Variants in METTL16 observed in about 807,000 individuals in gnomAD.
METTL16 encodes RNA N(6)-adenosine-methyltransferase METTL16.
A neutral mutation model predicts 57.9 loss-of-function variants in METTL16; 19 were observed. The observed-to-expected ratio is 0.33, with a 90% CI of 0.23 to 0.48. The LOEUF is 0.48. Ranked by LOEUF, METTL16 falls within the 20% of genes least tolerant of loss-of-function variation. METTL16 has a pLI of 0.99. For synonymous variants in METTL16, 246 were observed against 255.6 expected (o/e 0.96, Z 0.36); for missense variants, 434 against 691.5 (o/e 0.63, Z 4.18).
chr17:2,465,334 G>A (rs538464082), intron 5 of METTL16, among the ~76,000 whole-genome samples: 181 of 151,392 alleles, frequency 1.2e-3, no homozygotes, highest in Non-Finnish European at 2.3e-3. Flanking sequence ...ACGAGGTCAG[G>A]AGATTGAGAC....
intron 4 of METTL16, 149 bp downstream of exon 4, chr17:2,473,374 TG>T: frequency 1.5e-6 from 1 of 670,938 alleles, no homozygotes; most frequent in Non-Finnish European, 2.3e-6. Context: ...GAGTTAATTC[TG>T]GTATCAAGAC....
At chr17:2,464,105 A>G in intron 6 of METTL16, 103 bp downstream of exon 6, 1 of 1,234,684 alleles carries the variant, frequency 8.1e-7, no homozygotes, top group Non-Finnish European at 1.1e-6. Context: ...CCTGGCAACA[A>G]GAGCAAGACT....
chr17:2,509,612 G>C (rs933342783), intron 1 of METTL16, among the ~76,000 whole-genome samples: 1 of 152,114 alleles, frequency 6.6e-6, no homozygotes, highest in South Asian at 2.1e-4. Flanking sequence ...AGTGTTGGCC[G>C]GGCACAGTCG....
chr17:2,507,494 G>C (rs2067552449), intron 1 of METTL16, among the ~76,000 whole-genome samples: 1 of 148,776 alleles, frequency 6.7e-6, no homozygotes, highest in African/African-American at 2.5e-5. Flanking sequence ...CCCTGTCCGG[G>C]AGGGAGGTGG....
intron 6 of METTL16, among the ~76,000 whole-genome samples, chr17:2,444,489 T>C (rs2066979612): frequency 6.6e-6 from 1 of 152,084 alleles, no homozygotes; most frequent in Admixed American, 6.6e-5. Context: ...TAAAATGAAG[T>C]TGAAAAATTC....
At chr17:2,495,457 G>A (rs985523894) in intron 2 of METTL16, among the ~76,000 whole-genome samples, 1 of 152,124 alleles carries the variant, frequency 6.6e-6, no homozygotes, top group African/African-American at 2.4e-5. Context: ...AGCACTTTGA[G>A]AGGCCAAGGT....
At chr17:2,480,394 G>A (rs2067297446) in intron 2 of METTL16, among the ~76,000 whole-genome samples, 1 of 152,150 alleles carries the variant, frequency 6.6e-6, no homozygotes, top group Non-Finnish European at 1.5e-5. Flanking sequence ...AAATGGAAGG[G>A]ATGAAGAATG....
chr17:2,436,756 A>C (rs1246978515), intron 8 of METTL16: 1 of 146,432 alleles, frequency 6.8e-6, no homozygotes, highest in Non-Finnish European at 1.5e-5. Flanking sequence ...GAACTGTGAG[A>C]AGCAACAGAT....
chr17:2,453,962 A>G (rs1008350535), intron 6 of METTL16, among the ~76,000 whole-genome samples: 1 of 152,194 alleles, frequency 6.6e-6, no homozygotes, highest in African/African-American at 2.4e-5. Flanking sequence ...TATTCTTTCT[A>G]TATTTATTCA....
intron 2 of METTL16, among the ~76,000 whole-genome samples, chr17:2,496,099 C>T (rs901184986): frequency 1.3e-5 from 2 of 150,666 alleles, no homozygotes; most frequent in Admixed American, 1.3e-4. Context: ...GGTGACAGAG[C>T]GACTCTGTCT....
At position 2,419,395 on chromosome 17, in the gene METTL16, CG is replaced by C. The variant is rs1383073236; in HGVS notation, c.*574del. ...CAGGTGTCAGGAATGTGCCATTTAC[CG>C]GGTGGTCCCCAGACTCTGCTGCTCC... On this transcript the variant is annotated 3_prime_UTR_variant, in exon 10 of 10. Coordinates refer to ENST00000263092, the MANE Select transcript of METTL16 (RefSeq NM_024086.4). 4 of 273,976 alleles carry C rather than the reference CG, an allele frequency of 1.5e-5. No homozygotes were observed. Among genetic ancestry groups the C allele is most frequent in the African/African-American group, 9.0e-5 (4 of 44,650 alleles). The allele number at this position is 273,976 out of a possible 1,614,324, so 17.0% of individuals were successfully genotyped here. A position where few individuals can be genotyped will look rare whatever the true frequency, so the allele number is the denominator to read the frequency against.
chr17:2,438,397 TAAAACATAAGAG>T lies in METTL16; in HGVS notation c.799-211_799-200del, dbSNP rs1165558504. 1.2e-4 allele frequency among the ~76,000 whole-genome samples: 18 copies of T among 152,354 alleles called. No homozygotes were observed. In the South Asian group the frequency reaches 2.1e-3, roughly 18 times the overall value. ...AACAAAGTTATATTTTTTCCTCCCATAAAACATAAGAGAATTTACAGATATGACTTGAAGGTT... is the reference window on the plus strand; with the variant it reads ...AACAAAGTTATATTTTTTCCTCCCATAATTTACAGATATGACTTGAAGGTT... On this transcript the variant is annotated intron_variant, in intron 7 of 9. Transcript: ENST00000263092.
intron 2 of METTL16, among the ~76,000 whole-genome samples, chr17:2,487,852 T>C (rs1458669639): frequency 2.6e-5 from 4 of 151,272 alleles, no homozygotes; most frequent in African/African-American, 7.3e-5. Context: ...AAAAAAAATT[T>C]TAAATTAGCC....
At chr17:2,510,427 C>T (rs1320370296) in intron 1 of METTL16, among the ~76,000 whole-genome samples, 3 of 152,192 alleles carry the variant, frequency 2.0e-5, no homozygotes, top group Non-Finnish European at 4.4e-5. Flanking sequence ...GAAAATTCTA[C>T]AGACTACATA....
rs1407684471 is a variant in METTL16 at position 2,420,540 on chromosome 17, G to A, written c.1119C>T (p.Ala373=). 6.2e-7 allele frequency: 1 copy of A among 1,613,490 alleles called. No individual in the cohort carries two copies. Among genetic ancestry groups the A allele is most frequent in the Admixed American group, 1.7e-5 (1 of 60,000 alleles). The change falls in exon 10 of 10, where the codon GCC becomes GCT. Residue 373 remains alanine (A), a synonymous_variant. Coordinates refer to ENST00000263092, the MANE Select transcript of METTL16 (RefSeq NM_024086.4). This position sits in a 1 kb window ranked among gnomAD's most constrained non-coding sequence, Gnocchi z 5.4. Reference sequence around the variant, plus strand: ...TTAAATGAATCCAGGAGTTTTCTATGGCCGTTAGGAAAAGGCTGACTTCCT... The same window carrying A: ...TTAAATGAATCCAGGAGTTTTCTATAGCCGTTAGGAAAAGGCTGACTTCCT... ...GKEEVSLFLT[A]IENSWIHLRR...
chr17:2,422,637 T>C (rs1199533078), intron 8 of METTL16, among the ~76,000 whole-genome samples: 1 of 150,706 alleles, frequency 6.6e-6, no homozygotes, highest in Non-Finnish European at 1.5e-5. Flanking sequence ...CTCAAAGTGC[T>C]GGGATTACAA....
intron 2 of METTL16, among the ~76,000 whole-genome samples, chr17:2,480,221 A>C (rs1232667431): frequency 6.6e-6 from 1 of 151,928 alleles, no homozygotes; most frequent in Non-Finnish European, 1.5e-5. Context: ...AAGAAAAAAC[A>C]TACCTTTCAC....
chr17:2,463,736 A>T (rs2067170322), intron 6 of METTL16, among the ~76,000 whole-genome samples: 1 of 151,902 alleles, frequency 6.6e-6, no homozygotes. Context: ...CTGGGATTAC[A>T]GGTGTGAGCC....
chr17:2,493,791 C>T (rs1338378683), intron 2 of METTL16, among the ~76,000 whole-genome samples: 1 of 151,900 alleles, frequency 6.6e-6, no homozygotes, highest in Non-Finnish European at 1.5e-5. Context: ...CAACTCCTAC[C>T]TAAGCAGGAA....
Sources: allele counts gnomAD v4.1 joint callset (sites outside exome capture counted in the v4.1 genomes callset), GRCh38; gene constraint gnomAD v4.1.1; non-coding constraint Gnocchi (gnomAD v3.1); transcripts MANE v1.5; gene names NCBI Gene and HGNC (gene_info 2026-07-23, HGNC 2026-07-21).